CADM2: variants seen among roughly 807,000 people sequenced by gnomAD.
CADM2 encodes the protein cell adhesion molecule 2.
CADM2 carries 12 observed loss-of-function variants against 49.8 expected under a neutral mutation model. The observed-to-expected ratio is 0.24, with a 90% CI of 0.15 to 0.39. The LOEUF (loss-of-function observed/expected upper bound fraction) is 0.39, where lower values mean the gene tolerates loss of function less well. Among genes scored for constraint, CADM2 ranks in the 10% least tolerant of loss-of-function variants. The pLI, the probability that CADM2 is intolerant of heterozygous loss-of-function variation, is 1.00. For missense variants in CADM2, 378 were observed against 492.3 expected, an observed-to-expected ratio of 0.77 and a Z score of 2.20; for synonymous variants, 214 against 175.4, an observed-to-expected ratio of 1.22 and a Z score of -1.74.
rs200828277 is a variant in CADM2, at chr3:85,775,527, T to C, written c.89-26520T>C. ...TATAAACTTGAAAATCAAAATCCAC[T>C]CGGAATGATTTATTAAGATAATCGT... On this transcript the variant is annotated intron_variant, in intron 2 of 9. Coordinates refer to ENST00000383699, the MANE Select transcript of CADM2 (RefSeq NM_001167675.2). Among the ~76,000 whole-genome samples, 332 of 151,926 alleles carry C rather than the reference T, an allele frequency of 2.2e-3. 6 individuals are homozygous for C. The East Asian group carries it at 0.062, about 28-fold the overall frequency.
In CADM2 at chr3:86,069,640, T is replaced by A. The variant is rs1485715661; in HGVS notation, c.*2857T>A. 1 of 151,676 alleles carries A rather than the reference T, an allele frequency of 6.6e-6. No individual in the cohort carries two copies. Among genetic ancestry groups the A allele is most frequent in the East Asian group, 1.9e-4 (1 of 5,174 alleles). 9.4% of individuals were successfully genotyped at this position (151,676 alleles called of 1,614,324 possible). On this transcript the variant is annotated 3_prime_UTR_variant, in exon 10 of 10. Coordinates refer to ENST00000383699, the MANE Select transcript of CADM2 (RefSeq NM_001167675.2). Reference sequence around the variant, plus strand: ...CATGCACACTTGTGTGCACATAGAGTCAATTTCTGTCTCTTCTAAGTGAGC... The same window carrying A: ...CATGCACACTTGTGTGCACATAGAGACAATTTCTGTCTCTTCTAAGTGAGC...
At position 85,898,034 on chromosome 3, in the gene CADM2, A is replaced by C. The variant is rs185360257; in HGVS notation, c.529+11707A>C. 7.3e-5 allele frequency among the ~76,000 whole-genome samples: 11 copies of C among 150,884 alleles called. No individual in the cohort carries two copies. In the East Asian group the frequency reaches 2.1e-3, roughly 29 times the overall value. ...AACATGCTGGGCACTATATTAAGTGAGAAAAAAAAATTAATAGCATTTAAA... is the reference window on the plus strand; with the variant it reads ...AACATGCTGGGCACTATATTAAGTGCGAAAAAAAAATTAATAGCATTTAAA... On this transcript the variant is annotated intron_variant, in intron 5 of 9. Transcript: ENST00000383699.
At chr3:85,286,482 T>A (rs2043636356) in intron 1 of CADM2, among the ~76,000 whole-genome samples, 1 of 152,126 alleles carries the variant, frequency 6.6e-6, no homozygotes, top group Non-Finnish European at 1.5e-5. Flanking sequence ...GCAAGTGACA[T>A]TTGGAGTTTG....
At chr3:85,916,999 G>A (rs554121676) in intron 6 of CADM2, among the ~76,000 whole-genome samples, 178 of 151,992 alleles carry the variant, frequency 1.2e-3, no homozygotes, top group African/African-American at 2.9e-3. Context: ...CATATCCTTC[G>A]CCCACTTTTT....
intron 7 of CADM2, 130 bp from the exon 8 acceptor site, chr3:85,961,339 G>A (rs1485230172): frequency 1.5e-6 from 1 of 675,990 alleles, no homozygotes; most frequent in East Asian, 2.9e-5. Context: ...GGTCCTTTTG[G>A]TATCTTATAG....
chr3:85,156,440 T>G (rs1256657764), intron 1 of CADM2, among the ~76,000 whole-genome samples: 1 of 152,148 alleles, frequency 6.6e-6, no homozygotes, highest in Non-Finnish European at 1.5e-5. Context: ...GTTGAATCTC[T>G]GAATAGACCA....
At chr3:85,241,902 C>A (rs2042539122) in intron 1 of CADM2, among the ~76,000 whole-genome samples, 1 of 151,432 alleles carries the variant, frequency 6.6e-6, no homozygotes, top group Non-Finnish European at 1.5e-5. Context: ...ATTTTCTGAA[C>A]AATGTTCACA....
intron 1 of CADM2, among the ~76,000 whole-genome samples, chr3:85,572,363 A>G (rs2062504723): frequency 6.6e-6 from 1 of 152,228 alleles, no homozygotes; most frequent in Admixed American, 6.5e-5. Flanking sequence ...TATGAGGCAT[A>G]AAAGTTTGTA....
intron 1 of CADM2, among the ~76,000 whole-genome samples, chr3:85,219,853 G>A (rs1465784177): frequency 6.6e-6 from 1 of 152,058 alleles, no homozygotes; most frequent in Non-Finnish European, 1.5e-5. Flanking sequence ...GATTATAATG[G>A]TAGAGACATG....
intron 2 of CADM2, among the ~76,000 whole-genome samples, chr3:85,777,621 C>A (rs2070425233): frequency 6.6e-6 from 1 of 152,138 alleles, no homozygotes; most frequent in African/African-American, 2.4e-5. Context: ...TATTCCTCTA[C>A]TATTCTTTTT....
intron 1 of CADM2, among the ~76,000 whole-genome samples, chr3:85,420,504 A>C (rs2036121073): frequency 6.6e-6 from 1 of 152,134 alleles, no homozygotes; most frequent in Non-Finnish European, 1.5e-5. Flanking sequence ...CCATGGGGGA[A>C]AAAAATTATA....
intron 1 of CADM2, among the ~76,000 whole-genome samples, chr3:85,013,813 T>A (rs576345622): frequency 4.2e-4 from 62 of 147,720 alleles, no homozygotes; most frequent in African/African-American, 1.5e-3. Context: ...GTAATTAATT[T>A]TAATTATAAT....
chr3:84,998,992 T>C (rs1343963319), intron 1 of CADM2, among the ~76,000 whole-genome samples: 3 of 152,136 alleles, frequency 2.0e-5, no homozygotes, highest in Non-Finnish European at 4.4e-5. Context: ...AGATTTTTCA[T>C]CAAAAAGCTA....
chr3:85,083,711 T>C (rs1427251855), intron 1 of CADM2, among the ~76,000 whole-genome samples: 1 of 152,164 alleles, frequency 6.6e-6, no homozygotes, highest in East Asian at 1.9e-4. Flanking sequence ...AAAATATTTT[T>C]AAAATCTCCT....
intron 1 of CADM2, among the ~76,000 whole-genome samples, chr3:85,133,136 T>G (rs1027794227): frequency 2.0e-5 from 3 of 152,138 alleles, no homozygotes; most frequent in Non-Finnish European, 4.4e-5. Flanking sequence ...ACTTTCTCAG[T>G]GAGTGTTACA....
At chr3:85,346,251 G>A (rs1345053196) in intron 1 of CADM2, among the ~76,000 whole-genome samples, 1 of 152,134 alleles carries the variant, frequency 6.6e-6, no homozygotes, top group Non-Finnish European at 1.5e-5. Context: ...AAGTTGCCAT[G>A]AAATTTTCAC....
intron 1 of CADM2, among the ~76,000 whole-genome samples, chr3:85,659,899 G>A (rs1559576191): frequency 1.3e-5 from 2 of 152,092 alleles, no homozygotes; most frequent in Admixed American, 1.3e-4. Flanking sequence ...TCCAGCTGTG[G>A]ATGTATTTAG....
intron 1 of CADM2, among the ~76,000 whole-genome samples, chr3:85,528,338 G>A (rs1475200094): frequency 1.4e-5 from 1 of 73,150 alleles, no homozygotes; most frequent in African/African-American, 3.5e-5. Flanking sequence ...ACACTCACAT[G>A]CACACGTGCA....
chr3:85,157,615 G>T (rs1576005503), intron 1 of CADM2, among the ~76,000 whole-genome samples: 1 of 152,128 alleles, frequency 6.6e-6, no homozygotes, highest in Non-Finnish European at 1.5e-5. Flanking sequence ...AATAAATGGT[G>T]CTGGGAAAAC....
Sources: allele counts gnomAD v4.1 joint callset (sites outside exome capture counted in the v4.1 genomes callset), GRCh38; gene constraint gnomAD v4.1.1; transcripts MANE v1.5; gene names NCBI Gene and HGNC (gene_info 2026-07-23, HGNC 2026-07-21).